The following MYH15 variants were observed in gnomAD, a reference collection of about 807,000 sequenced individuals.
MYH15 encodes the protein myosin heavy chain 15, also known as myosin-15.
A neutral mutation model predicts 240.5 loss-of-function variants in MYH15; 227 were observed. That is an observed-to-expected ratio of 0.94 (90% CI 0.85 to 1.05). MYH15 has a LOEUF of 1.05. Ranked by LOEUF, MYH15 falls within the 50% of genes least tolerant of loss-of-function variation. MYH15 has a pLI of 0.00. For missense variants in MYH15, 2,217 were observed against 2,247.5 expected (o/e 0.99, Z 0.27); for synonymous variants, 785 against 796.7 (o/e 0.99, Z 0.25).
chr3:108,510,728 G>T, upstream of MYH15: 2 of 809,442 alleles, frequency 2.5e-6, no homozygotes, highest in Non-Finnish European at 1.9e-6. Flanking sequence ...TCTTCGCTAT[G>T]TCTCAAATTT....
chr3:108,547,757 T>C, the MYH15 span, among the ~76,000 whole-genome samples: 1 of 152,168 alleles, frequency 6.6e-6, no homozygotes, highest in Non-Finnish European at 1.5e-5. Flanking sequence ...TTTCTACCTT[T>C]AAAAAGTAGG....
chr3:108,387,599 T>G (rs2082393847), intron 38 of MYH15, among the ~76,000 whole-genome samples: 1 of 150,584 alleles, frequency 6.6e-6, no homozygotes, highest in Admixed American at 6.6e-5. Flanking sequence ...ATAAGAAGAA[T>G]CAATGGGAAA....
intron 21 of MYH15, among the ~76,000 whole-genome samples, chr3:108,449,341 T>C (rs903009236): frequency 2.6e-5 from 4 of 151,960 alleles, no homozygotes; most frequent in Non-Finnish European, 5.9e-5. Context: ...CAAAATATGC[T>C]ACAAACTATA....
intron 34 of MYH15, 49 bp from the exon 35 acceptor site, chr3:108,398,889 A>G: frequency 6.4e-7 from 1 of 1,562,446 alleles, no homozygotes; most frequent in Non-Finnish European, 8.8e-7. Flanking sequence ...TGAGTTCAAC[A>G]TAGACTATGC....
rs2082637279 is a variant in MYH15, at chr3:108,416,803, A to G, written c.3948+9T>C. On this transcript the variant is annotated intron_variant, in intron 29 of 40. Transcript: ENST00000693548. Reference sequence around the variant, plus strand: ...TCAAGAAACTAGTGAGAAATAATAGATACATTACTTTGGTCTCCTTTTCCA... The same window carrying G: ...TCAAGAAACTAGTGAGAAATAATAGGTACATTACTTTGGTCTCCTTTTCCA... The G allele has an allele frequency of 6.3e-7, 1 of 1,591,472 alleles. No individual in the cohort carries two copies. Among genetic ancestry groups the G allele is most frequent in the Non-Finnish European group, 8.6e-7 (1 of 1,160,550 alleles).
chr3:108,391,676 G>A, intron 37 of MYH15, 84 bp downstream of exon 37: 4 of 1,387,328 alleles, frequency 2.9e-6, no homozygotes, highest in Non-Finnish European at 4.0e-6. Context: ...ATGTGTGTTG[G>A]GGGGCAGATC....
rs372618528 is a variant in MYH15, at chr3:108,510,499, G to C, written c.32C>G (p.Ala11Gly). MDLSDLGEAA[A>G]FLRRSEAELL... ...CTCAGCTTCACTTCTTCTGAGGAAG[G>C]CTGCGGCTTCTCCAAGGTCTGACAG... Residue 11 changes from alanine to glycine, a missense_variant, in exon 1 of 41, where the codon GCC becomes GGC. Ala to Gly is a moderately conservative substitution (Grantham distance 60). Coordinates refer to ENST00000693548, the MANE Select transcript of MYH15 (RefSeq NM_014981.3). The C allele has an allele frequency of 5.9e-5, 95 of 1,613,350 alleles. No individual in the cohort carries two copies. The highest frequency in any genetic ancestry group is 1.6e-4 in the Middle Eastern group (1 of 6,076).
intron 2 of MYH15, among the ~76,000 whole-genome samples, chr3:108,504,090 G>A (rs1424659695): frequency 6.6e-6 from 1 of 152,220 alleles, no homozygotes; most frequent in Non-Finnish European, 1.5e-5. Context: ...GAAATTGCTA[G>A]AATAGGCAAA....
At chr3:108,501,635 A>C in intron 3 of MYH15, 77 bp downstream of exon 3, 5 of 1,568,336 alleles carry the variant, frequency 3.2e-6, no homozygotes, top group Non-Finnish European at 3.5e-6. Flanking sequence ...ACTCAATGTA[A>C]GAGATCACCC....
intron 22 of MYH15, among the ~76,000 whole-genome samples, chr3:108,443,513 T>C (rs2082901196): frequency 6.6e-6 from 1 of 152,106 alleles, no homozygotes; most frequent in Non-Finnish European, 1.5e-5. Flanking sequence ...CTGTGCTAAG[T>C]AGAGAGGAAA....
chr3:108,482,961 G>T (rs957550613), intron 11 of MYH15, among the ~76,000 whole-genome samples: 6 of 152,006 alleles, frequency 3.9e-5, no homozygotes, highest in African/African-American at 1.4e-4. Context: ...TTGGGAGGCC[G>T]AGGTGGGTAG....
At chr3:108,434,586 A>C (rs1369258699) in intron 25 of MYH15, among the ~76,000 whole-genome samples, 1 of 151,676 alleles carries the variant, frequency 6.6e-6, no homozygotes, top group Non-Finnish European at 1.5e-5. Flanking sequence ...TTTTCTACAC[A>C]AGCCTACACA....
Position 108,381,224 on chromosome 3 carries a change from C to T in MYH15, c.*321G>A. The T allele has an allele frequency of 2.6e-6, 1 of 391,270 alleles. No homozygotes were observed. Among genetic ancestry groups the T allele is most frequent in the Non-Finnish European group, 4.7e-6 (1 of 211,048 alleles). 24.2% of individuals were successfully genotyped at this position (391,270 alleles called of 1,614,324 possible). On this transcript the variant is annotated 3_prime_UTR_variant, in exon 41 of 41. Transcript: ENST00000693548. ...TAAGGACATCTTCTATGAGTCCTAC[C>T]CATTAAGAGGAAATATGGACAAAGG...
intron 16 of MYH15, 151 bp downstream of exon 16, chr3:108,462,960 C>A: frequency 2.4e-6 from 2 of 844,744 alleles, no homozygotes; most frequent in East Asian, 5.2e-5. Flanking sequence ...GAACCCCCAG[C>A]CTGAAGACAG....
At chr3:108,505,164 A>G (rs1359949908) in intron 2 of MYH15, among the ~76,000 whole-genome samples, 1 of 152,216 alleles carries the variant, frequency 6.6e-6, no homozygotes, top group East Asian at 1.9e-4. Flanking sequence ...ATGAAAAAGT[A>G]GAAATGGCTG....
intron 16 of MYH15, 44 bp downstream of exon 16, chr3:108,463,065 GGT>G: frequency 6.4e-7 from 1 of 1,561,164 alleles, no homozygotes; most frequent in Non-Finnish European, 8.6e-7. Context: ...GGCAGCCATG[GGT>G]TCCATTCTGA....
chr3:108,401,372 TGTG>T (rs1356438472), intron 33 of MYH15, among the ~76,000 whole-genome samples: 6 of 139,140 alleles, frequency 4.3e-5, no homozygotes, highest in Non-Finnish European at 9.8e-5. Flanking sequence ...GCAGTGAAAA[TGTG>T]ACCGTCTGCA....
chr3:108,455,852 T>G lies in MYH15; in HGVS notation c.2146A>C (p.Ile716Leu). Reference protein sequence around the residue: ...QYADFKQRYCILNPRTFPKSK... With the variant: ...QYADFKQRYCLLNPRTFPKSK... ...TTTGGAAAGGTCCTTGGATTCAGAA[T>G]GCAGTACCTAATTTAAAATAAAGAA... The change falls in exon 20 of 41, where the codon ATT (isoleucine) becomes CTT (leucine). Residue 716 changes from isoleucine (I) to leucine (L), a missense_variant. Physicochemically the swap from Ile to Leu is conservative, Grantham distance 5. Transcript: ENST00000693548. 1 of 1,611,496 alleles carries G rather than the reference T, an allele frequency of 6.2e-7. No homozygotes were observed. The highest frequency in any genetic ancestry group is 2.2e-5 in the East Asian group (1 of 44,838).
intron 21 of MYH15, among the ~76,000 whole-genome samples, chr3:108,452,450 TTATGA>T (rs1225679652): frequency 6.6e-6 from 1 of 152,096 alleles, no homozygotes; most frequent in Admixed American, 6.6e-5. Context: ...GATAAATAAA[TTATGA>T]TATATTTATA....
Sources: allele counts gnomAD v4.1 joint callset (sites outside exome capture counted in the v4.1 genomes callset), GRCh38; gene constraint gnomAD v4.1.1; transcripts MANE v1.5; gene names NCBI Gene and HGNC (gene_info 2026-07-23, HGNC 2026-07-21).